The following ELAPOR2 variants were observed in gnomAD, a reference collection of about 807,000 sequenced individuals.
ELAPOR2 encodes endosome-lysosome associated apoptosis and autophagy regulator family member 2.
A neutral mutation model predicts 120.7 loss-of-function variants in ELAPOR2; 89 were observed. The observed-to-expected ratio is 0.74, with a 90% confidence interval of 0.62 to 0.88. The LOEUF (loss-of-function observed/expected upper bound fraction) is 0.88. Among genes scored for constraint, ELAPOR2 ranks in the 40% least tolerant of loss-of-function variants. The pLI is 0.00. For missense variants in ELAPOR2, 1,134 were observed against 1,251.6 expected (o/e 0.91, Z 1.42); for synonymous variants, 444 against 444.9 (o/e 1.00, Z 0.03).
chr7:86,952,462 A>G (rs1791298565), intron 2 of ELAPOR2, among the ~76,000 whole-genome samples: 1 of 152,232 alleles, frequency 6.6e-6, no homozygotes, highest in Admixed American at 6.5e-5. Flanking sequence ...ATTACAACCA[A>G]TACAAAAAGG....
chr7:87,006,528 A>AAAAG lies in ELAPOR2; in HGVS notation c.190-41508_190-41505dup, dbSNP rs771741293. 4.6e-5 allele frequency among the ~76,000 whole-genome samples: 7 copies of AAAAG among 152,252 alleles called. No individual in the cohort carries two copies. The South Asian group carries it at 1.0e-3, about 23-fold the overall frequency. ...CCCCATAACTTAAAGTATAATTTAAAAAAGAAAGAAAGAAAGAAAAAGACT... is the reference window on the plus strand; with the variant it reads ...CCCCATAACTTAAAGTATAATTTAAAAAAGAAAGAAAGAAAGAAAGAAAAAGACT... On this transcript the variant is annotated intron_variant, in intron 1 of 21. Transcript: ENST00000450689.
rs1799202342 is a variant in ELAPOR2 at position 86,877,225 on chromosome 7, TTAAAA to T, written c.*3241_*3245del. The T allele has an allele frequency of 6.6e-6, 1 of 152,154 alleles. No individual in the cohort carries two copies. Among genetic ancestry groups the T allele is most frequent in the South Asian group, 2.1e-4 (1 of 4,828 alleles). 9.4% of individuals were successfully genotyped at this position (152,154 alleles called of 1,614,324 possible). A position where few individuals can be genotyped will look rare whatever the true frequency, so the allele number is the denominator to read the frequency against. Reference sequence around the variant, plus strand: ...TCTAAAAGGAACTCATGTAAAAATGTTAAAATAAAAGTAAAATCCAGCAAGAGAAT... The same window carrying T: ...TCTAAAAGGAACTCATGTAAAAATGTTAAAAGTAAAATCCAGCAAGAGAAT... On this transcript the variant is annotated 3_prime_UTR_variant, in exon 22 of 22. Coordinates refer to ENST00000450689, the MANE Select transcript of ELAPOR2 (RefSeq NM_001142749.3).
intron 18 of ELAPOR2, among the ~76,000 whole-genome samples, chr7:86,901,376 A>C (rs916168642): frequency 6.6e-6 from 1 of 152,188 alleles, no homozygotes; most frequent in Admixed American, 6.6e-5. Flanking sequence ...CTGAGAGATA[A>C]CTGGACTGAG....
At position 86,959,845 on chromosome 7, in the gene ELAPOR2, G is replaced by A. The variant is rs182407519; in HGVS notation, c.310+5059C>T. ...TGCTTGAAATATGTCTTTTCTTAAT[G>A]TAGGTACTTATTGCTATAAACTGCT... On this transcript the variant is annotated intron_variant, in intron 2 of 21. Coordinates refer to ENST00000450689, the MANE Select transcript of ELAPOR2 (RefSeq NM_001142749.3). Among the ~76,000 whole-genome samples the A allele has an allele frequency of 1.8e-4, 28 of 152,268 alleles. 1 individual carries two copies. Among genetic ancestry groups the A allele is most frequent in the Non-Finnish European group, 3.2e-4 (22 of 68,012 alleles).
In ELAPOR2 at chr7:86,898,638, T is replaced by C. The variant is rs891723908; in HGVS notation, c.2559-1006A>G. On this transcript the variant is annotated intron_variant, in intron 18 of 21. Transcript: ENST00000450689. ...CCTAAGCTGAGTCTAGAATATTTGG[T>C]AGGAGTTAGCCAGAATAGAAAAGAA... Among the ~76,000 whole-genome samples the C allele has an allele frequency of 4.7e-5, 7 of 148,848 alleles. No homozygotes were observed. The South Asian group carries it at 1.5e-3, about 32-fold the overall frequency.
chr7:87,038,459 C>G (rs951789046), intron 1 of ELAPOR2, among the ~76,000 whole-genome samples: 1 of 151,996 alleles, frequency 6.6e-6, no homozygotes, highest in Non-Finnish European at 1.5e-5. Context: ...GGAAATCTCA[C>G]AAAAAGTGAA....
At chr7:87,034,939 G>A (rs756201824) in intron 1 of ELAPOR2, among the ~76,000 whole-genome samples, 1 of 151,896 alleles carries the variant, frequency 6.6e-6, no homozygotes, top group South Asian at 2.1e-4. Context: ...AAAATTAGCC[G>A]GACATGGTGG....
Position 86,878,343 on chromosome 7 carries a change from T to C in ELAPOR2, c.*2128A>G, listed in dbSNP as rs1799247671. 1 of 152,158 alleles carries C rather than the reference T, an allele frequency of 6.6e-6. No homozygotes were observed. The highest frequency in any genetic ancestry group is 6.5e-5 in the Admixed American group (1 of 15,268). 9.4% of individuals were successfully genotyped at this position (152,158 alleles called of 1,614,324 possible). A position where few individuals can be genotyped will look rare whatever the true frequency, so the allele number is the denominator to read the frequency against. Reference sequence around the variant, plus strand: ...AATCCAAGGGAAAAAATCACCTCCTTCCCAAAGATGGGACTGTGCTGACAA... The same window carrying C: ...AATCCAAGGGAAAAAATCACCTCCTCCCCAAAGATGGGACTGTGCTGACAA... On this transcript the variant is annotated 3_prime_UTR_variant, in exon 22 of 22. Coordinates refer to ENST00000450689, the MANE Select transcript of ELAPOR2 (RefSeq NM_001142749.3).
chr7:86,993,144 G>A (rs1351235995), intron 1 of ELAPOR2, among the ~76,000 whole-genome samples: 1 of 148,298 alleles, frequency 6.7e-6, no homozygotes, highest in Non-Finnish European at 1.5e-5. Context: ...GCTGAGGCGG[G>A]AGAGTTGCTT....
chr7:87,009,436 A>G (rs2116658564), intron 1 of ELAPOR2, among the ~76,000 whole-genome samples: 1 of 152,356 alleles, frequency 6.6e-6, no homozygotes, highest in Middle Eastern at 3.4e-3. Flanking sequence ...GAAAAGAGAC[A>G]GTTTGCCTTG....
chr7:86,926,649 C>T (rs1790078344), intron 9 of ELAPOR2, 87 bp downstream of exon 9: 1 of 1,305,378 alleles, frequency 7.7e-7, no homozygotes, highest in Non-Finnish European at 1.0e-6. Flanking sequence ...TAACCACTTT[C>T]CATAAAAACA....
chr7:87,038,794 T>C (rs1794668605), intron 1 of ELAPOR2, among the ~76,000 whole-genome samples: 1 of 151,818 alleles, frequency 6.6e-6, no homozygotes, highest in African/African-American at 2.4e-5. Context: ...AAAGCAGTAT[T>C]AAGAGGGAAG....
At chr7:86,928,281 C>T (rs1224634946) in intron 8 of ELAPOR2, among the ~76,000 whole-genome samples, 1 of 151,816 alleles carries the variant, frequency 6.6e-6, no homozygotes, top group Non-Finnish European at 1.5e-5. Flanking sequence ...TCTCAACTCC[C>T]CTTAAGAAAA....
At position 86,927,428 on chromosome 7, in the gene ELAPOR2, G is replaced by A. The variant is rs147701930; in HGVS notation, c.1090-512C>T. ...GTTCATAATATTGGTAGTGGTTCTC[G>A]GAGTCTTTTTCAATAACCTGATGTT... is the stretch of plus-strand genomic sequence containing the variant. On this transcript the variant is annotated intron_variant, in intron 8 of 21. Coordinates refer to ENST00000450689, the MANE Select transcript of ELAPOR2 (RefSeq NM_001142749.3). 2.6e-4 allele frequency among the ~76,000 whole-genome samples: 39 copies of A among 151,912 alleles called. No individual in the cohort carries two copies. In the East Asian group the frequency reaches 6.6e-3, roughly 26 times the overall value.
At chr7:86,888,741 C>A (rs1442102325) in intron 21 of ELAPOR2, among the ~76,000 whole-genome samples, 1 of 152,094 alleles carries the variant, frequency 6.6e-6, no homozygotes, top group Non-Finnish European at 1.5e-5. Flanking sequence ...TTCCCTCAAG[C>A]AGTCTCCCTG....
intron 16 of ELAPOR2, among the ~76,000 whole-genome samples, chr7:86,909,342 T>C (rs1290017184): frequency 1.3e-5 from 2 of 152,036 alleles, no homozygotes; most frequent in Non-Finnish European, 2.9e-5. Flanking sequence ...AACTTATCTA[T>C]GACCTCCAGG....
chr7:86,884,132 TA>T (rs1799575430), intron 21 of ELAPOR2, among the ~76,000 whole-genome samples: 1 of 152,154 alleles, frequency 6.6e-6, no homozygotes, highest in Non-Finnish European at 1.5e-5. Flanking sequence ...ATTTTTAAAG[TA>T]AAAAAATCAT....
At position 86,938,853 on chromosome 7, in the gene ELAPOR2, C is replaced by T; in HGVS notation, c.955G>A (p.Gly319Arg). 1.9e-6 allele frequency: 3 copies of T among 1,613,338 alleles called. No individual in the cohort carries two copies. The highest frequency in any genetic ancestry group is 2.7e-5 in the African/African-American group (2 of 74,954). The change falls in exon 7 of 22, where the codon GGA becomes AGA. Residue 319 changes from glycine (G) to arginine (R), a missense_variant. Around this residue, in one of 3 missense-constraint regions of ELAPOR2, gnomAD observed 831 missense variants for 867.6 expected, o/e 0.96. Coordinates refer to ENST00000450689, the MANE Select transcript of ELAPOR2 (RefSeq NM_001142749.3). ...VCPRNTYSEKGAKECIRCKDD... is the reference protein window; with the variant it reads ...VCPRNTYSEKRAKECIRCKDD... ...TTACACCTTATACATTCTTTGGCTCCTTTCTCAGAATAGGTGTTTCTGGGA... is the reference window on the plus strand; with the variant it reads ...TTACACCTTATACATTCTTTGGCTCTTTTCTCAGAATAGGTGTTTCTGGGA...
At chr7:86,927,413 T>C (rs552739573) in intron 8 of ELAPOR2, among the ~76,000 whole-genome samples, 1 of 151,974 alleles carries the variant, frequency 6.6e-6, no homozygotes, top group African/African-American at 2.4e-5. Flanking sequence ...GTTCATAATA[T>C]TGGTAGTGGT....
Sources: gnomAD v4.1 joint callset for allele counts (sites outside exome capture counted in the v4.1 genomes callset) on GRCh38, gnomAD v4.1.1 for gene constraint, gnomAD v4.1.1 regional missense constraint, MANE v1.5 for transcripts, NCBI Gene and HGNC (gene_info 2026-07-23, HGNC 2026-07-21) for gene names.